Variants in SH3TC1 observed in about 807,000 individuals in gnomAD.
SH3TC1 encodes the protein SH3 domain and tetratricopeptide repeats 1.
SH3TC1 carries 135 observed loss-of-function variants against 117.3 expected under a neutral mutation model. The observed-to-expected ratio is 1.15, with a 90% confidence interval of 1.00 to 1.33. The LOEUF (loss-of-function observed/expected upper bound fraction) is 1.33, where lower values mean the gene tolerates loss of function less well. Ranked by LOEUF, SH3TC1 falls within the 40% of genes most tolerant of loss-of-function variation. SH3TC1 has a pLI of 0.00. For synonymous variants in SH3TC1, 898 were observed against 816.9 expected (o/e 1.10, Z -1.69); for missense variants, 2,092 against 1,794.3 (o/e 1.17, Z -3.00).
In SH3TC1 at chr4:8,227,656, G is replaced by C. The variant is rs1486649702; in HGVS notation, c.1962G>C (p.Arg654=). 6.5e-7 allele frequency: 1 copy of C among 1,527,956 alleles called. No individual in the cohort carries two copies. Among genetic ancestry groups the C allele is most frequent in the Non-Finnish European group, 8.8e-7 (1 of 1,139,526 alleles). The allele number at this position is 1,527,956 out of a possible 1,614,324, so 94.6% of individuals were successfully genotyped here. ...AGCTCCTGCAGCTGGCGCTGCGGCG[G>C]GCGGTGGGTGGCCAGAGCCTGCAGG... ...EGELLQLALR[R]AVGGQSLQAE... is the part of the protein sequence containing the mutation. Residue 654 remains arginine, a synonymous_variant, in exon 12 of 18, where the codon CGG becomes CGC. Coordinates refer to ENST00000245105, the MANE Select transcript of SH3TC1 (RefSeq NM_018986.5).
rs1206600034 is a variant in SH3TC1, at chr4:8,210,018, C to T, written c.247+196C>T. ...CTGCACCCAGAGGGGGACATGGCCCCTGGGGCTCCCCTAGGCATCCCTGTG... is the reference window on the plus strand; with the variant it reads ...CTGCACCCAGAGGGGGACATGGCCCTTGGGGCTCCCCTAGGCATCCCTGTG... On this transcript the variant is annotated intron_variant, in intron 3 of 17. Coordinates refer to ENST00000245105, the MANE Select transcript of SH3TC1 (RefSeq NM_018986.5). This position sits in a 1 kb window ranked among gnomAD's most constrained non-coding sequence, Gnocchi z 4.1. 6.6e-6 allele frequency among the ~76,000 whole-genome samples: 1 copy of T among 152,206 alleles called. No homozygotes were observed. Among genetic ancestry groups the T allele is most frequent in the Non-Finnish European group, 1.5e-5 (1 of 68,014 alleles).
chr4:8,185,939 C>T (rs1717206397), intron 1 of SH3TC1, among the ~76,000 whole-genome samples: 1 of 152,210 alleles, frequency 6.6e-6, no homozygotes, highest in South Asian at 2.1e-4. Flanking sequence ...GGGTCTGCTC[C>T]TGGATGCCCA....
In SH3TC1 at chr4:8,239,357, GCACACAGGCACACGCA is replaced by G. The variant is rs913881526; in HGVS notation, c.3754-1328_3754-1313del. On this transcript the variant is annotated intron_variant, in intron 17 of 17. Coordinates refer to ENST00000245105, the MANE Select transcript of SH3TC1 (RefSeq NM_018986.5). ...CACACATGGACACGCACACGCAAAT[GCACACAGGCACACGCA>G]CACACAGGCACAGGCCCCATGTACA... Among the ~76,000 whole-genome samples, 5 of 146,734 alleles carry G rather than the reference GCACACAGGCACACGCA, an allele frequency of 3.4e-5. 1 individual carries two copies. The highest frequency in any genetic ancestry group is 5.9e-5 in the Non-Finnish European group (4 of 67,572).
intron 1 of SH3TC1, among the ~76,000 whole-genome samples, chr4:8,187,751 C>T (rs1471423848): frequency 1.3e-5 from 2 of 152,104 alleles, no homozygotes; most frequent in Non-Finnish European, 2.9e-5. Context: ...GGGGTTTCAC[C>T]ATATTGGCCA....
chr4:8,227,172 G>T lies in SH3TC1; in HGVS notation c.1478G>T (p.Trp493Leu). The T allele has an allele frequency of 6.2e-7, 1 of 1,602,982 alleles. No homozygotes were observed. Among genetic ancestry groups the T allele is most frequent in the South Asian group, 1.1e-5 (1 of 89,750 alleles). Residue 493 changes from tryptophan (W) to leucine (L), a missense_variant, in exon 12 of 18, where the codon TGG becomes TTG. Trp to Leu is a moderately conservative substitution (Grantham distance 61, BLOSUM62 -2). Coordinates refer to ENST00000245105, the MANE Select transcript of SH3TC1 (RefSeq NM_018986.5). ...PSFCLEAEDD[W>L]EDPEALSSLL... Reference sequence around the variant, plus strand: ...TTCTGCTTGGAAGCCGAGGACGACTGGGAGGACCCAGAGGCCCTGAGCTCA... The same window carrying T: ...TTCTGCTTGGAAGCCGAGGACGACTTGGAGGACCCAGAGGCCCTGAGCTCA...
rs1368883695 is a variant in SH3TC1, at chr4:8,231,959, T to C, written c.2951-17T>C. 6.2e-7 allele frequency: 1 copy of C among 1,607,500 alleles called. No individual in the cohort carries two copies. The highest frequency in any genetic ancestry group is 1.1e-5 in the South Asian group (1 of 91,022). ...AATGCTGGGAGGCTGACGTCTTCCT[T>C]TTTGTCTTCTGCCCAGGCCAGCTGC... On this transcript the variant is annotated splice_polypyrimidine_tract_variant and intron_variant, in intron 12 of 17. Transcript: ENST00000245105.
chr4:8,240,982 G>C lies in SH3TC1; in HGVS notation c.*27G>C, dbSNP rs956016293. The C allele has an allele frequency of 1.9e-6, 3 of 1,600,468 alleles. No homozygotes were observed. Among genetic ancestry groups the C allele is most frequent in the Non-Finnish European group, 2.6e-6 (3 of 1,176,380 alleles). Reference sequence around the variant, plus strand: ...GACAGCATCCAAGGGAGTGGGTTTTGTGCAAGGGCTGGGGGTCTCCTGCCT... The same window carrying C: ...GACAGCATCCAAGGGAGTGGGTTTTCTGCAAGGGCTGGGGGTCTCCTGCCT... On this transcript the variant is annotated 3_prime_UTR_variant, in exon 18 of 18. Transcript: ENST00000245105.
chr4:8,219,900 T>G (rs1446593335), intron 9 of SH3TC1, among the ~76,000 whole-genome samples: 1 of 152,190 alleles, frequency 6.6e-6, no homozygotes, highest in East Asian at 1.9e-4. Flanking sequence ...CCACATTTTC[T>G]CTGGAGACTC....
At chr4:8,211,769 G>A (rs1478601242) in intron 3 of SH3TC1, among the ~76,000 whole-genome samples, 2 of 152,048 alleles carry the variant, frequency 1.3e-5, no homozygotes, top group East Asian at 3.9e-4. Context: ...ACATTGAGGA[G>A]GGGGCTGGAT....
chr4:8,185,450 CA>C (rs1460499986), intron 1 of SH3TC1, among the ~76,000 whole-genome samples: 1 of 152,162 alleles, frequency 6.6e-6, no homozygotes, highest in Non-Finnish European at 1.5e-5. Context: ...ATAGTTTCAG[CA>C]CCGAGAACTC....
Position 8,209,698 on chromosome 4 carries a change from C to T in SH3TC1, c.173-50C>T, listed in dbSNP as rs1378515914. On this transcript the variant is annotated intron_variant, in intron 2 of 17. Coordinates refer to ENST00000245105, the MANE Select transcript of SH3TC1 (RefSeq NM_018986.5). This position sits in a 1 kb window ranked among gnomAD's most constrained non-coding sequence, Gnocchi z 5.9. ...GGAGCGTTTGGCGCCTTCAGAGGAGCCAGGCCTTTGCTTGGTCTCCCCTAA... is the reference window on the plus strand; with the variant it reads ...GGAGCGTTTGGCGCCTTCAGAGGAGTCAGGCCTTTGCTTGGTCTCCCCTAA... 6.2e-7 allele frequency: 1 copy of T among 1,611,106 alleles called. No homozygotes were observed. Among genetic ancestry groups the T allele is most frequent in the Non-Finnish European group, 8.5e-7 (1 of 1,179,128 alleles).
At chr4:8,184,362 T>C (rs1448101221) in intron 1 of SH3TC1, among the ~76,000 whole-genome samples, 1 of 152,182 alleles carries the variant, frequency 6.6e-6, no homozygotes, top group African/African-American at 2.4e-5. Flanking sequence ...GGCTGACCCA[T>C]ACCCCTGTGG....
chr4:8,239,382 C>T (rs1234576482), intron 17 of SH3TC1, among the ~76,000 whole-genome samples: 1 of 149,536 alleles, frequency 6.7e-6, no homozygotes, highest in African/African-American at 2.5e-5. Context: ...CACACACAGG[C>T]ACAGGCCCCA....
chr4:8,209,992 C>T lies in SH3TC1; in HGVS notation c.247+170C>T, dbSNP rs1437206459. 6.6e-6 allele frequency among the ~76,000 whole-genome samples: 1 copy of T among 152,160 alleles called. No homozygotes were observed. Among genetic ancestry groups the T allele is most frequent in the African/African-American group, 2.4e-5 (1 of 41,436 alleles). ...GTTTGTTAAATGCGCATGCCCAGGTCCTGCACCCAGAGGGGGACATGGCCC... is the reference window on the plus strand; with the variant it reads ...GTTTGTTAAATGCGCATGCCCAGGTTCTGCACCCAGAGGGGGACATGGCCC... On this transcript the variant is annotated intron_variant, in intron 3 of 17. Coordinates refer to ENST00000245105, the MANE Select transcript of SH3TC1 (RefSeq NM_018986.5). This position sits in a 1 kb window ranked among gnomAD's most constrained non-coding sequence, Gnocchi z 5.9.
chr4:8,236,445 C>A lies in SH3TC1; in HGVS notation c.3556+17C>A, dbSNP rs1432391135. ...TCACCCTGGGTAAGCCCCCTGAGCC[C>A]CTGCCCTGCCAGGACCCACACTTTG... On this transcript the variant is annotated intron_variant, in intron 16 of 17. Transcript: ENST00000245105. The A allele has an allele frequency of 4.2e-6, 6 of 1,427,728 alleles. No homozygotes were observed. Among genetic ancestry groups the A allele is most frequent in the South Asian group, 1.5e-5 (1 of 68,530 alleles). The allele number at this position is 1,427,728 out of a possible 1,614,324, so 88.4% of individuals were successfully genotyped here.
At chr4:8,226,841 T>C in intron 11 of SH3TC1, 139 bp from the exon 12 acceptor site, 1 of 542,284 alleles carries the variant, frequency 1.8e-6, no homozygotes, top group Non-Finnish European at 3.1e-6. Context: ...CAAGGGCTCA[T>C]GGCAAGCCGG....
chr4:8,204,509 C>G (rs994782346), intron 1 of SH3TC1, among the ~76,000 whole-genome samples: 2 of 152,212 alleles, frequency 1.3e-5, no homozygotes, highest in Non-Finnish European at 2.9e-5. Context: ...TTTCCCCACC[C>G]ACAATCAGTG....
intron 3 of SH3TC1, among the ~76,000 whole-genome samples, chr4:8,212,231 C>T (rs1718807734): frequency 6.6e-6 from 1 of 152,048 alleles, no homozygotes; most frequent in Non-Finnish European, 1.5e-5. Flanking sequence ...GTGGGTGCCC[C>T]CATGGTCCCA....
rs1187759632 is a variant in SH3TC1 at position 8,240,921 on chromosome 4, G to A, written c.3977G>A (p.Trp1326Ter). ...VNLPPLPLCG[W>*]APWLAPSHPR ...CTGCCTCCTCTGCCACTCTGCGGGTGGGCCCCCTGGTTGGCCCCCAGCCAC... is the reference window on the plus strand; with the variant it reads ...CTGCCTCCTCTGCCACTCTGCGGGTAGGCCCCCTGGTTGGCCCCCAGCCAC... The change falls in exon 18 of 18, where the codon TGG (tryptophan) becomes TAG (stop). Residue 1326 changes from tryptophan (W) to a stop codon, truncating the protein, a stop_gained. Coordinates refer to ENST00000245105, the MANE Select transcript of SH3TC1 (RefSeq NM_018986.5). LOFTEE classifies it high-confidence loss of function. The A allele has an allele frequency of 3.7e-6, 6 of 1,612,288 alleles. No homozygotes were observed. The highest frequency in any genetic ancestry group is 4.2e-6 in the Non-Finnish European group (5 of 1,179,996).
Sources: gnomAD v4.1 joint callset for allele counts (sites outside exome capture counted in the v4.1 genomes callset) on GRCh38, gnomAD v4.1.1 for gene constraint, Gnocchi (gnomAD v3.1) non-coding constraint, MANE v1.5 for transcripts, NCBI Gene and HGNC (gene_info 2026-07-23, HGNC 2026-07-21) for gene names.